The following SPTBN4 variants were observed in gnomAD, a reference collection of about 807,000 sequenced individuals.
SPTBN4 encodes spectrin beta, non-erythrocytic 4.
SPTBN4 carries 96 observed loss-of-function variants against 277.8 expected under a neutral mutation model. That is an observed-to-expected ratio of 0.35 (90% CI 0.29 to 0.41). SPTBN4 has a LOEUF of 0.41. Ranked by LOEUF, SPTBN4 falls within the 10% of genes least tolerant of loss-of-function variation. The probability of loss-of-function intolerance (pLI) is 1.00; values close to 1 mark genes in which losing one functional copy is unlikely to be tolerated. For missense variants in SPTBN4, 3,006 were observed against 3,595.7 expected (o/e 0.84, Z 4.19); for synonymous variants, 1,481 against 1,580.3 (o/e 0.94, Z 1.49).
intron 20 of SPTBN4, among the ~76,000 whole-genome samples, chr19:40,543,519 A>T (rs2080823515): frequency 1.3e-5 from 2 of 151,938 alleles, no homozygotes; most frequent in Admixed American, 1.3e-4. Context: ...AAAACCAACA[A>T]CTCTGCACTA....
rs891318235 is a variant in SPTBN4 at position 40,554,017 on chromosome 19, C to T, written c.4675-130C>T. ...CAGCAAAATGTTTACATGGTCTTGG[C>T]ACGTGGTTAGCGAGCTGGGGGTGCT... On this transcript the variant is annotated intron_variant, in intron 22 of 35. Transcript: ENST00000598249. The surrounding 1 kb of genome is among the most constrained non-coding windows in gnomAD (Gnocchi z 5.7). 2.4e-5 allele frequency: 22 copies of T among 933,870 alleles called. No homozygotes were observed. Among genetic ancestry groups the T allele is most frequent in the Non-Finnish European group, 5.9e-6 (4 of 672,564 alleles). The allele number at this position is 933,870 out of a possible 1,614,324, so 57.8% of individuals were successfully genotyped here.
chr19:40,491,629 C>T (rs2080137056), intron 4 of SPTBN4, among the ~76,000 whole-genome samples: 1 of 147,400 alleles, frequency 6.8e-6, no homozygotes, highest in Non-Finnish European at 1.5e-5. Flanking sequence ...GTAATCCCAG[C>T]GACTCAGGAG....
intron 31 of SPTBN4, among the ~76,000 whole-genome samples, chr19:40,569,395 C>A (rs188812402): frequency 1.3e-5 from 2 of 149,798 alleles, no homozygotes; most frequent in African/African-American, 4.9e-5. Context: ...CCACTACACT[C>A]CAGCCTGGGC....
At chr19:40,536,681 G>A (rs1310644876) in intron 20 of SPTBN4, among the ~76,000 whole-genome samples, 1 of 152,170 alleles carries the variant, frequency 6.6e-6, no homozygotes, top group Admixed American at 6.5e-5. Context: ...AGGCATAATG[G>A]CTCATGCCTG....
intron 13 of SPTBN4, among the ~76,000 whole-genome samples, chr19:40,511,512 C>T (rs1040277994): frequency 3.3e-5 from 5 of 152,212 alleles, no homozygotes; most frequent in Non-Finnish European, 5.9e-5. Context: ...TATTCTATTC[C>T]ACCAAACAAA....
chr19:40,490,309 C>T lies in SPTBN4; in HGVS notation c.495+61C>T, dbSNP rs1031607687. 1.4e-5 allele frequency: 22 copies of T among 1,530,042 alleles called. No individual in the cohort carries two copies. In the African/African-American group the frequency reaches 2.1e-4, roughly 14 times the overall value. The allele number at this position is 1,530,042 out of a possible 1,614,324, so 94.8% of individuals were successfully genotyped here. A position where few individuals can be genotyped will look rare whatever the true frequency, so the allele number is the denominator to read the frequency against. On this transcript the variant is annotated intron_variant, in intron 4 of 35. Coordinates refer to ENST00000598249, the MANE Select transcript of SPTBN4 (RefSeq NM_020971.3). This position sits in a 1 kb window ranked among gnomAD's most constrained non-coding sequence, Gnocchi z 4.3. ...ATGGGACTTAGGAAAGCGTTCCCCA[C>T]CATTTACCCATTCATTCTTTCCTTC...
intron 2 of SPTBN4, among the ~76,000 whole-genome samples, chr19:40,476,312 T>C: frequency 7.1e-6 from 1 of 140,066 alleles, no homozygotes; most frequent in East Asian, 2.1e-4. Context: ...GCCATTGTAC[T>C]CCAGCCTGGG....
In SPTBN4 at chr19:40,565,427, G is replaced by A. The variant is rs761320581; in HGVS notation, c.5920G>A (p.Val1974Met). ...QIGAADKPRD[V>M]SSVEVLMNYH... ...CCTGCCTGCCACCCACTGCAGGGAC[G>A]TGTCATCAGTGGAGGTGCTCATGAA... Residue 1974 changes from valine to methionine, a missense_variant, in exon 28 of 36, where the codon GTG (valine) becomes ATG (methionine). Transcript: ENST00000598249. 36 of 1,613,016 alleles carry A rather than the reference G, an allele frequency of 2.2e-5. No homozygotes were observed. Among genetic ancestry groups the A allele is most frequent in the Non-Finnish European group, 2.8e-5 (33 of 1,179,424 alleles).
chr19:40,542,543 G>A (rs2145913513), intron 20 of SPTBN4, among the ~76,000 whole-genome samples: 1 of 152,162 alleles, frequency 6.6e-6, no homozygotes, highest in Admixed American at 6.6e-5. Context: ...ATGAGAAAAT[G>A]CACTAGAGGC....
At chr19:40,525,320 C>CTTTTT (rs34066431) in intron 17 of SPTBN4, among the ~76,000 whole-genome samples, 1 of 130,638 alleles carries the variant, frequency 7.7e-6, no homozygotes, top group Non-Finnish European at 1.6e-5. Context: ...CTTTGTTCCA[C>CTTTTT]TTTTTTTTTT....
At chr19:40,548,212 A>G (rs936380177) in intron 20 of SPTBN4, among the ~76,000 whole-genome samples, 1 of 152,196 alleles carries the variant, frequency 6.6e-6, no homozygotes, top group Non-Finnish European at 1.5e-5. Flanking sequence ...ATTTCTTACT[A>G]TCAAATTTTT....
rs1174013044 is a variant in SPTBN4, at chr19:40,502,438, C to A, written c.1134C>A (p.Ser378Arg). 2 of 1,613,566 alleles carry A rather than the reference C, an allele frequency of 1.2e-6. No individual in the cohort carries two copies. The highest frequency in any genetic ancestry group is 1.7e-6 in the Non-Finnish European group (2 of 1,179,946). Residue 378 changes from serine to arginine, a missense_variant, in exon 10 of 36, where the codon AGC becomes AGA. This residue lies in a region of SPTBN4 where 1,759 missense variants were observed against 2,061.5 expected (regional missense o/e 0.85). Coordinates refer to ENST00000598249, the MANE Select transcript of SPTBN4 (RefSeq NM_020971.3). This position sits in a 1 kb window ranked among gnomAD's most constrained non-coding sequence, Gnocchi z 4.9. ...AGGTGCTGCTCTTCAGCATCCAGAG[C>A]AAACTGCGTGCCTGCAACCGTCGCC... ...NLEVLLFSIQSKLRACNRRLF... is the reference protein window; with the variant it reads ...NLEVLLFSIQRKLRACNRRLF...
chr19:40,471,850 C>T (rs1007959283), intron 1 of SPTBN4, among the ~76,000 whole-genome samples: 26 of 151,500 alleles, frequency 1.7e-4, no homozygotes, highest in African/African-American at 6.1e-4. Context: ...GCCATCCTCA[C>T]ACCTCAGCCT....
chr19:40,495,042 C>A (rs1568773405), intron 6 of SPTBN4, 65 bp downstream of exon 6: 2 of 1,456,318 alleles, frequency 1.4e-6, no homozygotes, highest in Non-Finnish European at 1.9e-6. Context: ...CAGCTGCACA[C>A]CTGTACATGT....
At chr19:40,555,065 C>T in intron 24 of SPTBN4, 1 of 181,724 alleles carries the variant, frequency 5.5e-6, no homozygotes, top group South Asian at 9.6e-5. Flanking sequence ...TAGGCGGATG[C>T]TGAGCTCCAG....
At chr19:40,467,458 C>G (rs1040345831) in intron 1 of SPTBN4, among the ~76,000 whole-genome samples, 153 bp downstream of exon 1, 14 of 152,264 alleles carry the variant, frequency 9.2e-5, no homozygotes, top group Non-Finnish European at 1.6e-4. Context: ...CCACAACCCC[C>G]CCACCCGGTC....
In SPTBN4 at chr19:40,554,251, C is replaced by T. The variant is rs777824699; in HGVS notation, c.4779C>T (p.Arg1593=). The change falls in exon 23 of 36, where the codon CGC becomes CGT. Residue 1593 remains arginine, a synonymous_variant. Coordinates refer to ENST00000598249, the MANE Select transcript of SPTBN4 (RefSeq NM_020971.3). This position sits in a 1 kb window ranked among gnomAD's most constrained non-coding sequence, Gnocchi z 5.7. ...GCAGCCCGGAGGCAGAGGCAGTGCG[C>T]CGGGGCCTGGAGCAGCTGCAGAGCG... The part of the protein sequence containing the change: ...SLRSPEAEAV[R]RGLEQLQSAW... 7 of 1,528,082 alleles carry T rather than the reference C, an allele frequency of 4.6e-6. No individual in the cohort carries two copies. The highest frequency in any genetic ancestry group is 6.1e-6 in the Non-Finnish European group (7 of 1,144,458). 94.7% of individuals were successfully genotyped at this position (1,528,082 alleles called of 1,614,324 possible).
Position 40,513,136 on chromosome 19 carries a change from G to A in SPTBN4, c.2347G>A (p.Asp783Asn). ...RALHQFGADLDGLLDWLRDAY... is the reference protein window; with the variant it reads ...RALHQFGADLNGLLDWLRDAY... Reference sequence around the variant, plus strand: ...GCTGCACCAGTTCGGCGCTGACCTCGACGGGCTGCTGGACTGGCTTCGCGA... The same window carrying A: ...GCTGCACCAGTTCGGCGCTGACCTCAACGGGCTGCTGGACTGGCTTCGCGA... Residue 783 changes from aspartate to asparagine, a missense_variant, in exon 14 of 36, where the codon GAC (aspartate) becomes AAC (asparagine). Around this residue, in one of 5 missense-constraint regions of SPTBN4, gnomAD observed 1,759 missense variants for 2,061.5 expected, o/e 0.85. Transcript: ENST00000598249. The A allele has an allele frequency of 6.7e-7, 1 of 1,490,624 alleles. No homozygotes were observed. The highest frequency in any genetic ancestry group is 8.9e-7 in the Non-Finnish European group (1 of 1,129,272). The allele number at this position is 1,490,624 out of a possible 1,614,324, so 92.3% of individuals were successfully genotyped here.
In SPTBN4 at chr19:40,502,704, T is replaced by C. The variant is rs1178056158; in HGVS notation, c.1204-71T>C. On this transcript the variant is annotated intron_variant, in intron 10 of 35. Coordinates refer to ENST00000598249, the MANE Select transcript of SPTBN4 (RefSeq NM_020971.3). This position sits in a 1 kb window ranked among gnomAD's most constrained non-coding sequence, Gnocchi z 4.9. ...AGTTGCCATAATGCTATGAGTGACCTCAGACTAAGTCAAGACCATTAAACT... is the reference window on the plus strand; with the variant it reads ...AGTTGCCATAATGCTATGAGTGACCCCAGACTAAGTCAAGACCATTAAACT... 19 of 1,566,558 alleles carry C rather than the reference T, an allele frequency of 1.2e-5. No individual in the cohort carries two copies. Among genetic ancestry groups the C allele is most frequent in the Non-Finnish European group, 1.6e-5 (19 of 1,156,672 alleles).
Sources: gnomAD v4.1 joint callset for allele counts (sites outside exome capture counted in the v4.1 genomes callset) on GRCh38, gnomAD v4.1.1 for gene constraint, gnomAD v4.1.1 regional missense constraint, Gnocchi (gnomAD v3.1) non-coding constraint, MANE v1.5 for transcripts, NCBI Gene and HGNC (gene_info 2026-07-23, HGNC 2026-07-21) for gene names.